Variants in FNDC3A observed in about 807,000 individuals in gnomAD.
FNDC3A encodes fibronectin type-III domain-containing protein 3A.
A neutral mutation model predicts 148.9 loss-of-function variants in FNDC3A; 32 were observed. The ratio of observed to expected loss-of-function variants is 0.21; its 90% confidence interval spans 0.16 to 0.29. FNDC3A has a LOEUF of 0.29. FNDC3A is among the 10% of genes least tolerant of loss of function. The pLI is 1.00. For missense variants in FNDC3A, 1,191 were observed against 1,452.8 expected (o/e 0.82, Z 2.93); for synonymous variants, 472 against 473.6 (o/e 1.00, Z 0.04).
chr13:48,983,980 A>C (rs1951743574), intron 1 of FNDC3A, among the ~76,000 whole-genome samples: 1 of 152,272 alleles, frequency 6.6e-6, no homozygotes, highest in African/African-American at 2.4e-5. Flanking sequence ...ACAAATAGCA[A>C]AAAAATATGA....
intron 24 of FNDC3A, among the ~76,000 whole-genome samples, chr13:49,202,400 T>G (rs1886458636): frequency 6.6e-6 from 1 of 152,192 alleles, no homozygotes; most frequent in African/African-American, 2.4e-5. Flanking sequence ...TCAATTAGTT[T>G]TACACACACA....
intron 2 of FNDC3A, among the ~76,000 whole-genome samples, chr13:49,039,815 A>G (rs574183257): frequency 6.6e-6 from 1 of 152,280 alleles, no homozygotes; most frequent in South Asian, 2.1e-4. Flanking sequence ...CCCGGATTCA[A>G]GCGATCCTCC....
At chr13:49,121,372 A>G (rs1478745851) in intron 4 of FNDC3A, among the ~76,000 whole-genome samples, 2 of 152,256 alleles carry the variant, frequency 1.3e-5, no homozygotes, top group Non-Finnish European at 2.9e-5. Flanking sequence ...TTATAGCACT[A>G]AATGCCCACA....
chr13:49,009,509 G>A (rs3012114), intron 2 of FNDC3A, among the ~76,000 whole-genome samples: 152,306 of 152,342 alleles, frequency 1, 76,135 homozygotes, highest in Non-Finnish European at 1. Context: ...GTGCGGTAGG[G>A]CTGTGTTTAG....
intron 4 of FNDC3A, among the ~76,000 whole-genome samples, chr13:49,123,410 G>A (rs1881488409): frequency 6.6e-6 from 1 of 152,040 alleles, no homozygotes; most frequent in Non-Finnish European, 1.5e-5. Context: ...GGAAAACCTA[G>A]GCAATACCAT....
chr13:49,013,178 G>A (rs1212972685), intron 2 of FNDC3A, among the ~76,000 whole-genome samples: 1 of 151,902 alleles, frequency 6.6e-6, no homozygotes, highest in Non-Finnish European at 1.5e-5. Flanking sequence ...AGCCAGGTGT[G>A]GTGGCACACA....
Position 49,045,668 on chromosome 13 carries a change from G to A in FNDC3A, c.100-29621G>A, listed in dbSNP as rs1875338980. On this transcript the variant is annotated intron_variant, in intron 2 of 25. Coordinates refer to ENST00000492622, the MANE Select transcript of FNDC3A (RefSeq NM_001079673.2). ...ACAATACATTTTTTCCTAAAGCTCTGAAGAGAAACAGAGAAACAACTTTGC... is the reference window on the plus strand; with the variant it reads ...ACAATACATTTTTTCCTAAAGCTCTAAAGAGAAACAGAGAAACAACTTTGC... The A allele has an allele frequency of 2.7e-6, 3 of 1,096,618 alleles. No individual in the cohort carries two copies. The South Asian group carries it at 4.7e-5, about 17-fold the overall frequency. The allele number at this position is 1,096,618 out of a possible 1,614,324, so 67.9% of individuals were successfully genotyped here.
intron 1 of FNDC3A, among the ~76,000 whole-genome samples, chr13:48,990,904 A>G (rs1169264855): frequency 1.3e-5 from 2 of 152,076 alleles, no homozygotes; most frequent in Admixed American, 6.5e-5. Context: ...GTATACAGTA[A>G]TAAGTAAAAC....
At chr13:49,151,464 A>G (rs796513329) in intron 8 of FNDC3A, among the ~76,000 whole-genome samples, 2 of 152,158 alleles carry the variant, frequency 1.3e-5, no homozygotes, top group Non-Finnish European at 2.9e-5. Context: ...GTCTGTATGT[A>G]TCTTTACAGG....
At chr13:49,096,915 TAGAA>T (rs1402624465) in intron 3 of FNDC3A, among the ~76,000 whole-genome samples, 1 of 151,668 alleles carries the variant, frequency 6.6e-6, no homozygotes, top group Non-Finnish European at 1.5e-5. Flanking sequence ...AAAAAATAAA[TAGAA>T]AAGTATCTTC....
chr13:48,983,443 A>C (rs1034161585), intron 1 of FNDC3A, among the ~76,000 whole-genome samples: 2 of 152,162 alleles, frequency 1.3e-5, no homozygotes, highest in Admixed American at 6.5e-5. Context: ...GGCATTGTGG[A>C]CCATATGGGC....
At chr13:49,022,543 G>A (rs566317204) in intron 2 of FNDC3A, among the ~76,000 whole-genome samples, 5 of 152,230 alleles carry the variant, frequency 3.3e-5, no homozygotes, top group Admixed American at 6.5e-5. Flanking sequence ...TAGCTTCCAT[G>A]CTAAGCTATA....
chr13:48,986,344 T>A (rs1206678182), intron 1 of FNDC3A, among the ~76,000 whole-genome samples: 1 of 145,162 alleles, frequency 6.9e-6, no homozygotes, highest in Non-Finnish European at 1.5e-5. Flanking sequence ...AAGAGAGGAA[T>A]CAGAAGCTTA....
At chr13:49,169,429 A>G (rs1884641948) in intron 10 of FNDC3A, among the ~76,000 whole-genome samples, 1 of 152,204 alleles carries the variant, frequency 6.6e-6, no homozygotes, top group African/African-American at 2.4e-5. Context: ...TTGGTTCTTC[A>G]ATTCTGATAG....
chr13:49,150,809 G>C (rs760449926), intron 8 of FNDC3A, among the ~76,000 whole-genome samples: 1 of 151,840 alleles, frequency 6.6e-6, no homozygotes, highest in Non-Finnish European at 1.5e-5. Flanking sequence ...GCGAGGTGTG[G>C]TGGTGCACGC....
At chr13:49,141,602 T>C (rs1882692410) in intron 7 of FNDC3A, among the ~76,000 whole-genome samples, 1 of 152,156 alleles carries the variant, frequency 6.6e-6, no homozygotes, top group Admixed American at 6.5e-5. Flanking sequence ...TCTCATTTCT[T>C]TCTTCTACAG....
intron 2 of FNDC3A, among the ~76,000 whole-genome samples, chr13:49,016,988 C>T (rs1872847119): frequency 6.6e-6 from 1 of 151,712 alleles, no homozygotes; most frequent in Non-Finnish European, 1.5e-5. Context: ...AATGTCTGTT[C>T]TTTTACATTT....
intron 4 of FNDC3A, among the ~76,000 whole-genome samples, chr13:49,118,636 T>C (rs1465927377): frequency 6.6e-6 from 1 of 152,182 alleles, no homozygotes; most frequent in Non-Finnish European, 1.5e-5. Context: ...CACAGCAGTC[T>C]GAAGTCCACC....
chr13:49,113,797 A>G (rs1297717214), intron 3 of FNDC3A, among the ~76,000 whole-genome samples: 3 of 152,216 alleles, frequency 2.0e-5, no homozygotes, highest in Admixed American at 2.0e-4. Context: ...GGGGGGTAAG[A>G]GACTTTTTTA....
Sources: allele counts gnomAD v4.1 joint callset (sites outside exome capture counted in the v4.1 genomes callset), GRCh38; gene constraint gnomAD v4.1.1; transcripts MANE v1.5; gene names NCBI Gene and HGNC (gene_info 2026-07-23, HGNC 2026-07-21).